Variants in CALN1 observed in about 807,000 individuals in gnomAD.
CALN1 encodes calcium-binding protein 8.
In CALN1, 17 loss-of-function variants were observed where a neutral mutation model predicts 30.6. The ratio of observed to expected loss-of-function variants is 0.56; its 90% CI spans 0.38 to 0.83. The LOEUF is 0.83. Ranked by LOEUF, CALN1 falls within the 40% of genes least tolerant of loss-of-function variation. The pLI, the probability that CALN1 is intolerant of heterozygous loss-of-function variation, is 0.00. For synonymous variants in CALN1, 156 were observed against 131.4 expected (o/e 1.19, Z -1.28); for missense variants, 291 against 354.9 (o/e 0.82, Z 1.45).
At chr7:72,068,510 C>G (rs1043736573) in intron 4 of CALN1, among the ~76,000 whole-genome samples, 2 of 151,974 alleles carry the variant, frequency 1.3e-5, no homozygotes, top group African/African-American at 2.4e-5. Context: ...TTGTTTGAGA[C>G]GGAGTCTTAC....
rs546706992 is a variant in CALN1 at position 72,048,233 on chromosome 7, T to A, written c.389-24464A>T. 1.3e-4 allele frequency among the ~76,000 whole-genome samples: 20 copies of A among 152,128 alleles called. No homozygotes were observed. The South Asian group carries it at 1.7e-3, about 13-fold the overall frequency. ...TTTTGTATTTTAGTAGAGACCAGGT[T>A]TCACCCTGTTGGCCAGGCAGGACTT... On this transcript the variant is annotated intron_variant, in intron 4 of 6. Transcript: ENST00000395275.
intron 5 of CALN1, among the ~76,000 whole-genome samples, chr7:71,936,321 AC>A (rs911847617): frequency 6.7e-6 from 1 of 148,502 alleles, no homozygotes; most frequent in African/African-American, 2.5e-5. Flanking sequence ...ACAAGGTGAA[AC>A]CCCATCTCTA....
chr7:72,089,056 G>A (rs1805676482), intron 4 of CALN1, among the ~76,000 whole-genome samples: 1 of 151,928 alleles, frequency 6.6e-6, no homozygotes, highest in South Asian at 2.1e-4. Flanking sequence ...ATAGAGACAA[G>A]ATAAGTGTTT....
chr7:72,239,757 T>C (rs1794715880), intron 3 of CALN1, among the ~76,000 whole-genome samples: 1 of 152,160 alleles, frequency 6.6e-6, no homozygotes, highest in Admixed American at 6.6e-5. Context: ...AGCTCCTACA[T>C]GTGCCCTCGA....
chr7:71,980,171 C>T (rs1360790481), intron 5 of CALN1, among the ~76,000 whole-genome samples: 3 of 146,834 alleles, frequency 2.0e-5, no homozygotes, highest in Middle Eastern at 7.5e-3. Flanking sequence ...GCCACCATGC[C>T]TGGCCTCTTC....
At chr7:71,860,697 GGT>G (rs1791221328) in intron 5 of CALN1, among the ~76,000 whole-genome samples, 5 of 152,122 alleles carry the variant, frequency 3.3e-5, no homozygotes, top group African/African-American at 7.2e-5. Context: ...AGAAACACCA[GGT>G]CAATGTCACA....
intron 4 of CALN1, among the ~76,000 whole-genome samples, chr7:72,044,835 ATC>A (rs1244043313): frequency 5.3e-5 from 8 of 151,846 alleles, no homozygotes; most frequent in South Asian, 2.1e-4. Flanking sequence ...CCCCAGGCCG[ATC>A]TCCACCTCCT....
At chr7:72,345,853 C>G (rs1048520566) in intron 2 of CALN1, among the ~76,000 whole-genome samples, 2 of 152,120 alleles carry the variant, frequency 1.3e-5, no homozygotes, top group African/African-American at 4.8e-5. Flanking sequence ...TTAAATCTCT[C>G]TGAGAGAGAA....
At chr7:72,198,327 G>A (rs531151187) in intron 3 of CALN1, among the ~76,000 whole-genome samples, 21 of 152,296 alleles carry the variant, frequency 1.4e-4, no homozygotes, top group African/African-American at 5.1e-4. Flanking sequence ...GGCTTCCTCT[G>A]CTCTTTACAT....
At chr7:72,416,566 C>A (rs1046357673), upstream of CALN1, among the ~76,000 whole-genome samples, 2 of 151,990 alleles carry the variant, frequency 1.3e-5, no homozygotes, top group Admixed American at 1.3e-4. Context: ...GAAACCCTGT[C>A]TCTACTAAAA....
chr7:72,014,960 C>T (rs372145091), intron 5 of CALN1, among the ~76,000 whole-genome samples: 1 of 152,152 alleles, frequency 6.6e-6, no homozygotes, highest in African/African-American at 2.4e-5. Flanking sequence ...CTGCGTCCAG[C>T]CTTTGTTAGC....
intron 2 of CALN1, among the ~76,000 whole-genome samples, chr7:72,293,658 T>C (rs1343139170): frequency 6.6e-6 from 1 of 152,086 alleles, no homozygotes; most frequent in African/African-American, 2.4e-5. Flanking sequence ...ACGTTTGGTA[T>C]TTTTTTTCTA....
chr7:71,933,773 G>A (rs765756813), intron 5 of CALN1, among the ~76,000 whole-genome samples: 16 of 152,178 alleles, frequency 1.1e-4, no homozygotes, highest in African/African-American at 3.1e-4. Flanking sequence ...TATTTTATGC[G>A]GAGAGACTTT....
chr7:72,018,233 C>T (rs555200291), intron 5 of CALN1, among the ~76,000 whole-genome samples: 29 of 152,062 alleles, frequency 1.9e-4, no homozygotes, highest in African/African-American at 6.0e-4. Context: ...TGATGTGTGG[C>T]GTAAATAAAT....
intron 5 of CALN1, among the ~76,000 whole-genome samples, chr7:71,877,815 C>T (rs1792336739): frequency 6.6e-6 from 1 of 152,092 alleles, no homozygotes; most frequent in Non-Finnish European, 1.5e-5. Context: ...CAAATACATG[C>T]CCATGAATAG....
intron 2 of CALN1, among the ~76,000 whole-genome samples, chr7:72,297,120 T>C (rs187386315): frequency 5.3e-4 from 81 of 152,322 alleles, no homozygotes; most frequent in African/African-American, 1.9e-3. Flanking sequence ...GACTCTGGTA[T>C]GTTGTGTCTT....
intron 4 of CALN1, among the ~76,000 whole-genome samples, chr7:72,031,066 C>T (rs1189088523): frequency 1.3e-5 from 2 of 152,188 alleles, no homozygotes; most frequent in African/African-American, 4.8e-5. Context: ...AACTGAGGCT[C>T]AAAGAGGTTC....
At chr7:71,969,486 GAC>G (rs1219399707) in intron 5 of CALN1, among the ~76,000 whole-genome samples, 2 of 152,142 alleles carry the variant, frequency 1.3e-5, no homozygotes, top group South Asian at 2.1e-4. Flanking sequence ...AATAAATCAT[GAC>G]AGTGTCTCCT....
chr7:71,863,107 A>T (rs1164638367), intron 5 of CALN1, among the ~76,000 whole-genome samples: 1 of 151,966 alleles, frequency 6.6e-6, no homozygotes, highest in Non-Finnish European at 1.5e-5. Context: ...CAAAAATTAA[A>T]AAGTTAGCCA....
Sources: gnomAD v4.1 joint callset for allele counts (sites outside exome capture counted in the v4.1 genomes callset) on GRCh38, gnomAD v4.1.1 for gene constraint, MANE v1.5 for transcripts, NCBI Gene and HGNC (gene_info 2026-07-23, HGNC 2026-07-21) for gene names.